The following PALLD variants were observed in gnomAD, a reference collection of about 807,000 sequenced individuals.
PALLD encodes the protein palladin, cytoskeletal associated protein.
PALLD carries 61 observed loss-of-function variants against 123.5 expected under a neutral mutation model. The observed-to-expected ratio is 0.49, with a 90% CI of 0.40 to 0.61. PALLD has a LOEUF of 0.61. PALLD is among the 20% of genes least tolerant of loss of function. The pLI, the probability that PALLD is intolerant of heterozygous loss-of-function variation, is 0.00. For synonymous variants in PALLD, 465 were observed against 496.4 expected (o/e 0.94, Z 0.84); for missense variants, 1,273 against 1,377.0 (o/e 0.92, Z 1.20).
intron 10 of PALLD, among the ~76,000 whole-genome samples, chr4:168,761,658 T>TTGTTTGTTTTTTTTTTTTTTTTTTG (rs1554078427): frequency 2.3e-5 from 1 of 43,072 alleles, no homozygotes; most frequent in Non-Finnish European, 5.3e-5. Flanking sequence ...TTTTTTTTTT[T>TTGTTTGTTTTTTTTTTTTTTTTTTG]TTTTTTTTTT....
chr4:168,612,031 A>G (rs1773779448), intron 2 of PALLD, among the ~76,000 whole-genome samples: 1 of 152,082 alleles, frequency 6.6e-6, no homozygotes, highest in Admixed American at 6.6e-5. Flanking sequence ...GTGGTGGTAC[A>G]TGCCTATAGT....
intron 2 of PALLD, among the ~76,000 whole-genome samples, chr4:168,518,394 C>A (rs935803366): frequency 2.6e-5 from 4 of 152,166 alleles, no homozygotes; most frequent in Non-Finnish European, 5.9e-5. Context: ...GCCCGAACAC[C>A]GTCCAGGGGC....
chr4:168,593,161 A>AG (rs1485676525), intron 2 of PALLD, among the ~76,000 whole-genome samples: 5 of 152,012 alleles, frequency 3.3e-5, no homozygotes, highest in Non-Finnish European at 7.4e-5. Flanking sequence ...AATCATGATG[A>AG]TATTCTTTTA....
intron 10 of PALLD, among the ~76,000 whole-genome samples, chr4:168,855,911 T>G (rs1003959524): frequency 1.3e-5 from 2 of 152,220 alleles, no homozygotes; most frequent in Admixed American, 6.5e-5. Flanking sequence ...AAGGGTATAT[T>G]CATGATGCTA....
rs1356390200 is a variant in PALLD, at chr4:168,844,089, CTG to C, written c.1965-46832_1965-46831del. ...GATGCTGTTAGGTTGTCTATCTACT[CTG>C]AATCCCTACTTAGGAGGAAAGTCAC... On this transcript the variant is annotated intron_variant, in intron 10 of 21. Transcript: ENST00000505667. This position sits in a 1 kb window ranked among gnomAD's most constrained non-coding sequence, Gnocchi z 4.5. The C allele has an allele frequency of 1.3e-5, 2 of 152,226 alleles. No homozygotes were observed. The highest frequency in any genetic ancestry group is 2.4e-5 in the African/African-American group (1 of 41,466). The allele number at this position is 152,226 out of a possible 1,614,324, so 9.4% of individuals were successfully genotyped here. A position where few individuals can be genotyped will look rare whatever the true frequency, so the allele number is the denominator to read the frequency against.
At chr4:168,838,667 CT>C (rs70961558) in intron 10 of PALLD, among the ~76,000 whole-genome samples, 1,055 of 88,730 alleles carry the variant, frequency 0.012, 2 homozygotes, top group African/African-American at 0.028. Context: ...CTTCTAACTC[CT>C]TTTTTTTTTT....
intron 2 of PALLD, among the ~76,000 whole-genome samples, chr4:168,629,609 T>G (rs1775620191): frequency 6.6e-6 from 1 of 152,190 alleles, no homozygotes; most frequent in Non-Finnish European, 1.5e-5. Flanking sequence ...GGAATCTGCA[T>G]TTTCAACAAG....
chr4:168,679,176 G>A (rs1232272715), intron 3 of PALLD, among the ~76,000 whole-genome samples: 11 of 120,108 alleles, frequency 9.2e-5, no homozygotes, highest in Admixed American at 9.0e-4. Context: ...ATGGTGTGTG[G>A]TGGGGTGTGT....
Position 168,504,095 on chromosome 4 carries a change from A to G in PALLD, c.-83+6901A>G, listed in dbSNP as rs1479548514. 3.3e-5 allele frequency among the ~76,000 whole-genome samples: 5 copies of G among 152,176 alleles called. No homozygotes were observed. In the East Asian group the frequency reaches 9.6e-4, roughly 29 times the overall value. Reference sequence around the variant, plus strand: ...TGGATTGTAAGATCATTTAAGGAGAATAACTACGCCTGCCTCATCTTTGTC... The same window carrying G: ...TGGATTGTAAGATCATTTAAGGAGAGTAACTACGCCTGCCTCATCTTTGTC... On this transcript the variant is annotated intron_variant, in intron 1 of 21. Coordinates refer to ENST00000505667, the MANE Select transcript of PALLD (RefSeq NM_001166108.2).
At chr4:168,622,928 C>T (rs1203115194) in intron 2 of PALLD, among the ~76,000 whole-genome samples, 2 of 152,182 alleles carry the variant, frequency 1.3e-5, no homozygotes, top group South Asian at 2.1e-4. Flanking sequence ...TCCCCAGAGA[C>T]GCAGATTCCA....
chr4:168,909,386 C>A (rs1202648921), intron 15 of PALLD, among the ~76,000 whole-genome samples: 1 of 152,036 alleles, frequency 6.6e-6, no homozygotes, highest in East Asian at 1.9e-4. Context: ...AAATAATTGG[C>A]CTTGCACAAG....
chr4:168,838,938 A>T (rs1460869174), intron 10 of PALLD, among the ~76,000 whole-genome samples: 1 of 152,028 alleles, frequency 6.6e-6, no homozygotes, highest in Admixed American at 6.6e-5. Flanking sequence ...TAACGGATTA[A>T]GTTTTAGACT....
intron 2 of PALLD, among the ~76,000 whole-genome samples, chr4:168,630,273 C>T (rs906036360): frequency 1.3e-5 from 2 of 152,178 alleles, no homozygotes; most frequent in East Asian, 3.9e-4. Context: ...TTCAATGACC[C>T]TAATAAAACT....
chr4:168,903,978 T>A, intron 15 of PALLD, 72 bp downstream of exon 15: 2 of 1,363,772 alleles, frequency 1.5e-6, no homozygotes, highest in Non-Finnish European at 1.1e-6. Context: ...ACAAAGGAAC[T>A]ATTTAAAAGG....
chr4:168,556,183 C>T (rs1048399600), intron 2 of PALLD, among the ~76,000 whole-genome samples: 2 of 151,974 alleles, frequency 1.3e-5, no homozygotes, highest in Non-Finnish European at 2.9e-5. Flanking sequence ...GCAGGCTCCG[C>T]CCCCCGGGTT....
intron 10 of PALLD, among the ~76,000 whole-genome samples, chr4:168,730,983 T>C (rs115131339): frequency 0.013 from 1,938 of 152,264 alleles, 41 homozygotes; most frequent in African/African-American, 0.044. Context: ...GTTGACTACC[T>C]ACAAGAAATG....
intron 2 of PALLD, among the ~76,000 whole-genome samples, chr4:168,608,334 C>G (rs866818976): frequency 2.6e-5 from 4 of 152,124 alleles, no homozygotes; most frequent in Admixed American, 2.6e-4. Flanking sequence ...AATGAGCCCC[C>G]CATTTGCATC....
In PALLD at chr4:168,569,451, C is replaced by T. The variant is rs78441015; in HGVS notation, c.908+57039C>T. On this transcript the variant is annotated intron_variant, in intron 2 of 21. Coordinates refer to ENST00000505667, the MANE Select transcript of PALLD (RefSeq NM_001166108.2). ...GGACTTTTATGAAGGGAAAATATTA[C>T]AAAGGGCTGAAGTTTGCTTCAAGAA... Among the ~76,000 whole-genome samples the T allele has an allele frequency of 2.6e-3, 395 of 152,208 alleles. 3 individuals carry two copies. The highest frequency in any genetic ancestry group is 9.2e-3 in the African/African-American group (383 of 41,524).
At chr4:168,593,891 G>C (rs1335829476) in intron 2 of PALLD, among the ~76,000 whole-genome samples, 1 of 152,168 alleles carries the variant, frequency 6.6e-6, no homozygotes, top group Non-Finnish European at 1.5e-5. Context: ...AATTTTTAAA[G>C]ACATAAAGTG....
Sources: allele counts gnomAD v4.1 joint callset (sites outside exome capture counted in the v4.1 genomes callset), GRCh38; gene constraint gnomAD v4.1.1; non-coding constraint Gnocchi (gnomAD v3.1); transcripts MANE v1.5; gene names NCBI Gene and HGNC (gene_info 2026-07-23, HGNC 2026-07-21).